NXPE2: variants seen among roughly 807,000 people sequenced by gnomAD.
NXPE2 encodes the protein neurexophilin and PC-esterase domain family member 2.
In NXPE2, 34 loss-of-function variants were observed where a neutral mutation model predicts 34.4. The observed-to-expected ratio is 0.99, with a 90% CI of 0.75 to 1.31. The LOEUF is 1.31. Ranked by LOEUF, NXPE2 falls within the 40% of genes most tolerant of loss-of-function variation. The pLI is 0.00. For missense variants in NXPE2, 649 were observed against 672.5 expected (o/e 0.97, Z 0.39); for synonymous variants, 235 against 231.3 (o/e 1.02, Z -0.15).
the NXPE2 span, among the ~76,000 whole-genome samples, chr11:114,548,916 A>G: frequency 2.6e-5 from 4 of 152,052 alleles, no homozygotes; most frequent in African/African-American, 4.8e-5. Flanking sequence ...TAGTGAATCT[A>G]ATCAATTCAA....
At chr11:114,557,337 A>C in the NXPE2 span, among the ~76,000 whole-genome samples, 2 of 152,136 alleles carry the variant, frequency 1.3e-5, no homozygotes, top group Non-Finnish European at 2.9e-5. Flanking sequence ...ATGAAGTCTA[A>C]TATAAATTGG....
the NXPE2 span, among the ~76,000 whole-genome samples, chr11:114,777,429 G>A: frequency 6.6e-6 from 1 of 152,196 alleles, no homozygotes; most frequent in Non-Finnish European, 1.5e-5. Context: ...CAAAGAATGA[G>A]GAGATAAAAA....
the NXPE2 span, among the ~76,000 whole-genome samples, chr11:114,588,234 T>A: frequency 6.6e-6 from 1 of 151,934 alleles, no homozygotes; most frequent in Non-Finnish European, 1.5e-5. Flanking sequence ...CTCCACCATC[T>A]CCAAAACTCC....
At chr11:114,787,761 T>G in the NXPE2 span, among the ~76,000 whole-genome samples, 1 of 152,142 alleles carries the variant, frequency 6.6e-6, no homozygotes, top group Non-Finnish European at 1.5e-5. Flanking sequence ...TTATAAAAAT[T>G]CCAAGAGTCA....
chr11:114,660,445 C>T, the NXPE2 span, among the ~76,000 whole-genome samples: 3 of 151,776 alleles, frequency 2.0e-5, no homozygotes, highest in African/African-American at 7.3e-5. Context: ...GTAATAAAAG[C>T]CTTGTTCATC....
the NXPE2 span, among the ~76,000 whole-genome samples, chr11:114,623,982 C>T: frequency 1.7e-4 from 26 of 152,116 alleles, 1 homozygote; most frequent in Admixed American, 1.7e-3. Context: ...AGTATTGCCT[C>T]GTGGGTAACC....
At chr11:114,772,858 G>A in the NXPE2 span, among the ~76,000 whole-genome samples, 1,297 of 152,234 alleles carry the variant, frequency 8.5e-3, 12 homozygotes, top group Non-Finnish European at 0.013. Flanking sequence ...CCTGGAAATC[G>A]TCTCAGCATA....
chr11:114,601,883 ATT>A, the NXPE2 span, among the ~76,000 whole-genome samples: 1 of 59,696 alleles, frequency 1.7e-5, no homozygotes, highest in Non-Finnish European at 3.0e-5. Flanking sequence ...ATTATATATA[ATT>A]ATATATTATA....
chr11:114,759,360 G>A, the NXPE2 span, among the ~76,000 whole-genome samples: 1 of 152,146 alleles, frequency 6.6e-6, no homozygotes, highest in Non-Finnish European at 1.5e-5. Flanking sequence ...CTGTACCTCA[G>A]TCTCTTATCT....
the NXPE2 span, among the ~76,000 whole-genome samples, chr11:114,540,122 A>AT: frequency 7.2e-5 from 11 of 152,078 alleles, no homozygotes; most frequent in Non-Finnish European, 1.3e-4. Context: ...TGCCTGACTA[A>AT]TTTTTTCTAT....
chr11:114,575,134 A>G, the NXPE2 span, among the ~76,000 whole-genome samples: 1 of 152,130 alleles, frequency 6.6e-6, no homozygotes, highest in Non-Finnish European at 1.5e-5. Flanking sequence ...ATTTGAGAAA[A>G]TCCAGCATCC....
At chr11:114,721,757 GAA>G in the NXPE2 span, among the ~76,000 whole-genome samples, 10 of 152,098 alleles carry the variant, frequency 6.6e-5, no homozygotes, top group Admixed American at 6.6e-4. Flanking sequence ...GAAAAAACTG[GAA>G]GAGAGAGAAG....
chr11:114,505,297 G>GT, the NXPE2 span, among the ~76,000 whole-genome samples: 1 of 152,260 alleles, frequency 6.6e-6, no homozygotes, highest in African/African-American at 2.4e-5. Flanking sequence ...CTTGGAAAAC[G>GT]TATTTCAGGA....
In NXPE2 at chr11:114,706,685, C is replaced by T. The variant is rs1350148504; in HGVS notation, c.1435C>T (p.Arg479Ter). 21 of 1,551,932 alleles carry T rather than the reference C, an allele frequency of 1.4e-5. No individual in the cohort carries two copies. The highest frequency in any genetic ancestry group is 5.9e-5 in the Admixed American group (3 of 50,966). The change falls in exon 6 of 6, where the codon CGA (arginine) becomes TGA (stop). Residue 479 changes from arginine (R) to a stop codon, truncating the protein, a stop_gained. Transcript: ENST00000389586. LOFTEE classifies it low-confidence loss of function (END_TRUNC). ...IQKAIERLFL[R>*]SPETKVILKT... ...AAAGGCCATTGAACGTCTATTCTTG[C>T]GAAGCCCGGAGACCAAGGTGATACT...
chr11:114,624,998 C>T, the NXPE2 span, among the ~76,000 whole-genome samples: 3 of 151,754 alleles, frequency 2.0e-5, no homozygotes, highest in East Asian at 5.8e-4. Context: ...CGTGAGTAAC[C>T]ACTGTTACCT....
the NXPE2 span, among the ~76,000 whole-genome samples, chr11:114,492,478 T>C: frequency 5.6e-4 from 85 of 152,232 alleles, no homozygotes; most frequent in Non-Finnish European, 1.1e-3. Flanking sequence ...GGATGAAATG[T>C]TCTCTAAATA....
At chr11:114,465,114 AC>A in the NXPE2 span, among the ~76,000 whole-genome samples, 7 of 152,204 alleles carry the variant, frequency 4.6e-5, no homozygotes, top group Non-Finnish European at 7.4e-5. Flanking sequence ...TCGGAGACTC[AC>A]GTGACATTAC....
the NXPE2 span, among the ~76,000 whole-genome samples, chr11:114,735,976 G>A: frequency 6.6e-6 from 1 of 152,136 alleles, no homozygotes; most frequent in African/African-American, 2.4e-5. Flanking sequence ...TGGGTGTCCG[G>A]GGGAGACATC....
At chr11:114,613,931 A>G in the NXPE2 span, among the ~76,000 whole-genome samples, 2 of 151,960 alleles carry the variant, frequency 1.3e-5, no homozygotes, top group Admixed American at 6.6e-5. Flanking sequence ...GTGGATAATA[A>G]GTATTGCCTC....
Sources: gnomAD v4.1 joint callset for allele counts (sites outside exome capture counted in the v4.1 genomes callset) on GRCh38, gnomAD v4.1.1 for gene constraint, MANE v1.5 for transcripts, NCBI Gene and HGNC (gene_info 2026-07-23, HGNC 2026-07-21) for gene names.